The following KCNIP4 variants were observed in gnomAD, a reference collection of about 807,000 sequenced individuals.
KCNIP4 encodes potassium voltage-gated channel interacting protein 4.
In KCNIP4, 12 loss-of-function variants were observed where a neutral mutation model predicts 34.0. The observed-to-expected ratio is 0.35, with a 90% CI of 0.23 to 0.57. The LOEUF is 0.57. Ranked by LOEUF, KCNIP4 falls within the 20% of genes least tolerant of loss-of-function variation. KCNIP4 has a pLI of 0.83. For synonymous variants in KCNIP4, 124 were observed against 102.2 expected (o/e 1.21, Z -1.29); for missense variants, 238 against 311.7 (o/e 0.76, Z 1.78).
At chr4:20,874,655 A>G (rs1052778077) in intron 2 of KCNIP4, among the ~76,000 whole-genome samples, 1 of 151,298 alleles carries the variant, frequency 6.6e-6, no homozygotes, top group Non-Finnish European at 1.5e-5. Flanking sequence ...CTAAGTATCA[A>G]TGTGACTTTG....
At chr4:21,247,661 T>TTAGATATATCTATATA (rs1308128087) in intron 1 of KCNIP4, among the ~76,000 whole-genome samples, 18 of 117,770 alleles carry the variant, frequency 1.5e-4, no homozygotes, top group African/African-American at 8.8e-4. Flanking sequence ...ATCTATATAT[T>TTAGATATATCTATATA]TAGATATATC....
chr4:21,305,739 G>T (rs1250760258), intron 1 of KCNIP4, among the ~76,000 whole-genome samples: 5 of 152,092 alleles, frequency 3.3e-5, no homozygotes, highest in African/African-American at 1.2e-4. Flanking sequence ...AACTCATTCT[G>T]GGCTTTTCCA....
chr4:21,580,372 T>C (rs901838830), intron 1 of KCNIP4, among the ~76,000 whole-genome samples: 3 of 152,142 alleles, frequency 2.0e-5, no homozygotes, highest in African/African-American at 7.2e-5. Context: ...TACATTTAGC[T>C]CTGGATATGT....
chr4:21,630,414 C>T (rs1258242327), intron 1 of KCNIP4, among the ~76,000 whole-genome samples: 1 of 151,408 alleles, frequency 6.6e-6, no homozygotes, highest in African/African-American at 2.4e-5. Context: ...AGCTGAGATC[C>T]TGCCACTGAA....
chr4:21,450,184 A>G (rs1323838077), intron 1 of KCNIP4, among the ~76,000 whole-genome samples: 1 of 152,180 alleles, frequency 6.6e-6, no homozygotes, highest in Non-Finnish European at 1.5e-5. Flanking sequence ...ATACTCTCTC[A>G]TTATACAAAC....
chr4:20,733,081 C>CT (rs1227813086), intron 6 of KCNIP4, among the ~76,000 whole-genome samples: 4 of 152,156 alleles, frequency 2.6e-5, no homozygotes, highest in Non-Finnish European at 5.9e-5. Context: ...GTTTGGATTT[C>CT]TATAGACTTT....
intron 1 of KCNIP4, among the ~76,000 whole-genome samples, chr4:20,950,055 T>A (rs1732615146): frequency 7.1e-6 from 1 of 140,232 alleles, no homozygotes; most frequent in African/African-American, 2.6e-5. Context: ...GGAAAGGAAA[T>A]CATGAAAAAC....
At chr4:21,653,738 G>A (rs114487831) in intron 1 of KCNIP4, among the ~76,000 whole-genome samples, 12 of 152,234 alleles carry the variant, frequency 7.9e-5, no homozygotes, top group South Asian at 6.2e-4. Flanking sequence ...TTCAAAGATC[G>A]TAGGAAGTAT....
chr4:21,835,936 A>T (rs1222954465), intron 1 of KCNIP4, among the ~76,000 whole-genome samples: 4 of 152,212 alleles, frequency 2.6e-5, no homozygotes, highest in African/African-American at 9.6e-5. Flanking sequence ...GAATACATTC[A>T]GTATGACTCA....
At chr4:21,391,007 T>C (rs1256145353) in intron 1 of KCNIP4, among the ~76,000 whole-genome samples, 1 of 152,184 alleles carries the variant, frequency 6.6e-6, no homozygotes, top group African/African-American at 2.4e-5. Context: ...ATAGCCATCC[T>C]AGTGTGTGTG....
intron 1 of KCNIP4, among the ~76,000 whole-genome samples, chr4:21,068,563 A>T (rs888252272): frequency 6.6e-6 from 1 of 152,090 alleles, no homozygotes; most frequent in African/African-American, 2.4e-5. Flanking sequence ...GGGTGTGTGC[A>T]CTGATTGTCT....
intron 1 of KCNIP4, among the ~76,000 whole-genome samples, chr4:20,960,255 G>A (rs1336070216): frequency 1.3e-5 from 2 of 152,098 alleles, no homozygotes; most frequent in African/African-American, 4.8e-5. Flanking sequence ...TTTATAGGGA[G>A]TCAAAAGTAT....
chr4:21,034,533 G>A (rs1741287861), intron 1 of KCNIP4, among the ~76,000 whole-genome samples: 1 of 152,020 alleles, frequency 6.6e-6, no homozygotes, highest in Non-Finnish European at 1.5e-5. Context: ...TTTTCCCCTG[G>A]TCTTCCTTAG....
At chr4:21,155,827 G>A (rs1753107672) in intron 1 of KCNIP4, among the ~76,000 whole-genome samples, 1 of 152,070 alleles carries the variant, frequency 6.6e-6, no homozygotes, top group African/African-American at 2.4e-5. Flanking sequence ...GGAAGAGTTG[G>A]CTATATCTGC....
At position 21,211,403 on chromosome 4, in the gene KCNIP4, T is replaced by A. The variant is rs553951022; in HGVS notation, c.62-328694A>T. On this transcript the variant is annotated intron_variant, in intron 1 of 8. Coordinates refer to ENST00000382152, the MANE Select transcript of KCNIP4 (RefSeq NM_025221.6). The stretch of plus-strand genomic sequence containing the variant: ...GAGCATTACTGCCTGAGCTCTACCT[T>A]CTGTTGGATCAGCTGTGGCATTAGA... Among the ~76,000 whole-genome samples, 12 of 152,246 alleles carry A rather than the reference T, an allele frequency of 7.9e-5. No individual in the cohort carries two copies. In the East Asian group the frequency reaches 2.1e-3, roughly 27 times the overall value.
intron 1 of KCNIP4, among the ~76,000 whole-genome samples, chr4:21,926,842 T>C (rs1729275961): frequency 6.6e-6 from 1 of 152,218 alleles, no homozygotes; most frequent in Admixed American, 6.5e-5. Context: ...TTTATATTAT[T>C]GTAAAATACT....
chr4:21,548,911 C>G (rs1469962302), intron 1 of KCNIP4, among the ~76,000 whole-genome samples: 2 of 151,804 alleles, frequency 1.3e-5, no homozygotes, highest in Non-Finnish European at 2.9e-5. Context: ...TCTCAATTGC[C>G]ACACTACTGA....
intron 1 of KCNIP4, among the ~76,000 whole-genome samples, chr4:21,254,004 T>G (rs975043030): frequency 6.6e-6 from 1 of 152,190 alleles, no homozygotes; most frequent in African/African-American, 2.4e-5. Context: ...GGTAAGTGTG[T>G]AGACACAGAA....
At chr4:21,462,686 T>C (rs745681591) in intron 1 of KCNIP4, among the ~76,000 whole-genome samples, 2 of 152,006 alleles carry the variant, frequency 1.3e-5, no homozygotes, top group Non-Finnish European at 2.9e-5. Flanking sequence ...TTATTTCAGT[T>C]AACATAATGT....
Sources: allele counts gnomAD v4.1 joint callset (sites outside exome capture counted in the v4.1 genomes callset), GRCh38; gene constraint gnomAD v4.1.1; transcripts MANE v1.5; gene names NCBI Gene and HGNC (gene_info 2026-07-23, HGNC 2026-07-21).